The following PRKCH variants were observed in gnomAD, a reference collection of about 807,000 sequenced individuals.
PRKCH encodes the protein protein kinase C eta.
A neutral mutation model predicts 82.5 loss-of-function variants in PRKCH; 28 were observed. The observed-to-expected ratio is 0.34, with a 90% CI of 0.25 to 0.47. The LOEUF (loss-of-function observed/expected upper bound fraction) is 0.47, where lower values mean the gene tolerates loss of function less well. Ranked by LOEUF, PRKCH falls within the 20% of genes least tolerant of loss-of-function variation. The probability of loss-of-function intolerance (pLI) is 1.00; values close to 1 mark genes in which losing one functional copy is unlikely to be tolerated. For missense variants in PRKCH, 705 were observed against 881.8 expected, an observed-to-expected ratio of 0.80 and a Z score of 2.54; for synonymous variants, 322 against 327.4, an observed-to-expected ratio of 0.98 and a Z score of 0.18.
At chr14:61,355,734 G>T (rs1328053932) in intron 1 of PRKCH, among the ~76,000 whole-genome samples, 4 of 152,124 alleles carry the variant, frequency 2.6e-5, no homozygotes, top group Non-Finnish European at 4.4e-5. Context: ...TCATTTCTTG[G>T]AATGTTACTA....
chr14:61,518,747 A>T (rs967770551), intron 10 of PRKCH, among the ~76,000 whole-genome samples: 1 of 152,200 alleles, frequency 6.6e-6, no homozygotes, highest in African/African-American at 2.4e-5. Context: ...CCAGAACAGG[A>T]TGAAGACCAA....
chr14:61,371,641 T>C (rs2046365179), intron 1 of PRKCH, among the ~76,000 whole-genome samples: 1 of 152,102 alleles, frequency 6.6e-6, no homozygotes, highest in South Asian at 2.1e-4. Flanking sequence ...AATTAGCTTT[T>C]ACATGCATAC....
chr14:61,521,389 C>T (rs1471905858), intron 10 of PRKCH, among the ~76,000 whole-genome samples: 1 of 151,898 alleles, frequency 6.6e-6, no homozygotes, highest in Non-Finnish European at 1.5e-5. Flanking sequence ...CATAATTTAG[C>T]TTTTTTTCAA....
At chr14:61,443,382 CCT>C in intron 3 of PRKCH, 121 bp downstream of exon 3, 1 of 1,079,314 alleles carries the variant, frequency 9.3e-7, no homozygotes, top group East Asian at 2.8e-5. Context: ...CTGATTTTTG[CCT>C]CTTACTCTAG....
intron 10 of PRKCH, among the ~76,000 whole-genome samples, chr14:61,504,681 A>T (rs2139958980): frequency 6.6e-6 from 1 of 152,322 alleles, no homozygotes; most frequent in South Asian, 2.1e-4. Context: ...CTCGTTCAGA[A>T]ATAGGAAATT....
intron 2 of PRKCH, among the ~76,000 whole-genome samples, chr14:61,402,551 C>G (rs1008908997): frequency 6.6e-6 from 1 of 152,168 alleles, no homozygotes; most frequent in African/African-American, 2.4e-5. Flanking sequence ...AATCCCAGCA[C>G]TTTGGGAGGC....
chr14:61,312,646 G>A (rs546677454), intron 1 of PRKCH, among the ~76,000 whole-genome samples: 1 of 152,142 alleles, frequency 6.6e-6, no homozygotes, highest in African/African-American at 2.4e-5. Flanking sequence ...GAGGAGCAAA[G>A]GCACGTCTTA....
intron 9 of PRKCH, chr14:61,476,219 G>C (rs933200411): frequency 1.3e-5 from 2 of 152,284 alleles, no homozygotes; most frequent in South Asian, 4.1e-4. Flanking sequence ...AGACAAAAAT[G>C]GTTCCTATTA....
At chr14:61,469,237 A>G (rs59196360) in intron 9 of PRKCH, among the ~76,000 whole-genome samples, 3,086 of 152,328 alleles carry the variant, frequency 0.02, 88 homozygotes, top group African/African-American at 0.07. Flanking sequence ...GTGCCTGGCT[A>G]GAAACAGTTT....
chr14:61,188,704 A>AGTGT (rs754540967), intron 1 of PRKCH, among the ~76,000 whole-genome samples: 2,833 of 85,702 alleles, frequency 0.033, 332 homozygotes, highest in South Asian at 0.09. Flanking sequence ...ACGTTGCTGT[A>AGTGT]GTGTGTGTGT....
chr14:61,359,572 C>T (rs374707546), intron 1 of PRKCH, among the ~76,000 whole-genome samples: 6 of 152,286 alleles, frequency 3.9e-5, no homozygotes, highest in South Asian at 2.1e-4. Context: ...TATTTTCCAT[C>T]GATCTGGAGA....
intron 1 of PRKCH, among the ~76,000 whole-genome samples, chr14:61,275,721 T>A (rs2045196130): frequency 2.0e-5 from 3 of 149,228 alleles, no homozygotes; most frequent in Admixed American, 6.6e-5. Flanking sequence ...CTTCTAGGTA[T>A]CCTGCTCCTC....
At chr14:61,438,096 G>A (rs1883764108) in intron 2 of PRKCH, among the ~76,000 whole-genome samples, 1 of 152,072 alleles carries the variant, frequency 6.6e-6, no homozygotes, top group Non-Finnish European at 1.5e-5. Flanking sequence ...TATCCTTTAT[G>A]TTCTATAGAT....
intron 1 of PRKCH, among the ~76,000 whole-genome samples, chr14:61,262,913 C>A: frequency 6.6e-6 from 1 of 152,178 alleles, no homozygotes. Context: ...GGGCCTGATA[C>A]TGTGCTAATC....
intron 1 of PRKCH, among the ~76,000 whole-genome samples, chr14:61,209,312 A>T (rs1364805380): frequency 7.8e-3 from 8 of 1,030 alleles, no homozygotes; most frequent in East Asian, 0.083. Context: ...CCTTTATTTA[A>T]AAAAAAAAAA....
chr14:61,246,523 G>A (rs2044884750), intron 1 of PRKCH, among the ~76,000 whole-genome samples: 1 of 151,584 alleles, frequency 6.6e-6, no homozygotes, highest in Admixed American at 6.6e-5. Context: ...TATTCCTCTG[G>A]CCTTTCTCCC....
At chr14:61,270,391 C>T (rs975960458) in intron 1 of PRKCH, among the ~76,000 whole-genome samples, 3 of 152,150 alleles carry the variant, frequency 2.0e-5, no homozygotes, top group Non-Finnish European at 4.4e-5. Context: ...CATCTCTCCA[C>T]GCTAGCAGTG....
chr14:61,436,821 C>T (rs11627389), intron 2 of PRKCH, among the ~76,000 whole-genome samples: 28,950 of 152,282 alleles, frequency 0.19, 2,950 homozygotes, highest in Admixed American at 0.32. Context: ...CATGAGCCGC[C>T]ACACCCGGCC....
intron 1 of PRKCH, among the ~76,000 whole-genome samples, chr14:61,330,864 C>A (rs1266399721): frequency 6.6e-6 from 1 of 152,122 alleles, no homozygotes; most frequent in East Asian, 1.9e-4. Context: ...ACAGGGGTGT[C>A]CAATCTTTTG....
Sources: allele counts gnomAD v4.1 joint callset (sites outside exome capture counted in the v4.1 genomes callset), GRCh38; gene constraint gnomAD v4.1.1; transcripts MANE v1.5; gene names NCBI Gene and HGNC (gene_info 2026-07-23, HGNC 2026-07-21).